CGNL1: variants seen among roughly 807,000 people sequenced by gnomAD.
The protein encoded by CGNL1 is cingulin-like protein 1.
Under a neutral mutation model 141.2 loss-of-function variants are expected in CGNL1, and 132 were observed. That is an observed-to-expected ratio of 0.93 (90% CI 0.81 to 1.08). The LOEUF is 1.08. Among genes scored for constraint, CGNL1 ranks in the 50% least tolerant of loss-of-function variants. The pLI is 0.00. For missense variants in CGNL1, 1,870 were observed against 1,588.6 expected (o/e 1.18, Z -3.01); for synonymous variants, 690 against 622.1 (o/e 1.11, Z -1.63).
chr15:57,515,983 C>T (rs2030745169), intron 8 of CGNL1, among the ~76,000 whole-genome samples: 1 of 151,584 alleles, frequency 6.6e-6, no homozygotes, highest in Non-Finnish European at 1.5e-5. Context: ...ATGGTGAAAC[C>T]CCGTCTCTAC....
intron 3 of CGNL1, 98 bp from the exon 4 acceptor site, chr15:57,442,275 C>T (rs2063199010): frequency 7.6e-6 from 4 of 524,442 alleles, no homozygotes; most frequent in African/African-American, 2.0e-5. Context: ...TGCAAATTAT[C>T]TCCTTAAAGG....
At position 57,468,234 on chromosome 15, in the gene CGNL1, C is replaced by CT. The variant is rs57360097; in HGVS notation, c.2403+6366dup. On this transcript the variant is annotated intron_variant, in intron 8 of 18. Transcript: ENST00000281282. ...TTTCTTTTTCTTTTCTTTTCTTTTT[C>CT]TTTTTTTTTTTTTTTTTTTTTTTTG... Among the ~76,000 whole-genome samples, 33 of 85,906 alleles carry CT rather than the reference C, an allele frequency of 3.8e-4. 1 individual carries two copies. The highest frequency in any genetic ancestry group is 1.3e-3 in the African/African-American group (26 of 19,842). The allele number at this position is 85,906 out of a possible 152,430, so 56.4% of individuals were successfully genotyped here.
intron 3 of CGNL1, among the ~76,000 whole-genome samples, chr15:57,441,369 AT>A (rs1302043215): frequency 1.3e-5 from 2 of 150,096 alleles, no homozygotes; most frequent in African/African-American, 2.4e-5. Context: ...AAAATTCATT[AT>A]TTTTTTTTTA....
chr15:57,476,660 T>C (rs16977525), intron 8 of CGNL1, among the ~76,000 whole-genome samples: 20,147 of 152,190 alleles, frequency 0.13, 1,862 homozygotes, highest in East Asian at 0.45. Context: ...GTTAGAATTC[T>C]GGAAATGTGG....
intron 4 of CGNL1, among the ~76,000 whole-genome samples, chr15:57,443,788 C>G (rs767613032): frequency 2.0e-5 from 3 of 152,166 alleles, no homozygotes; most frequent in Non-Finnish European, 4.4e-5. Flanking sequence ...ATTATCAACA[C>G]GATTCTTGTT....
At chr15:57,405,654 T>G (rs151223131) in intron 1 of CGNL1, among the ~76,000 whole-genome samples, 22 of 152,298 alleles carry the variant, frequency 1.4e-4, no homozygotes, top group African/African-American at 5.1e-4. Context: ...TGCCTTCTTA[T>G]GTCCTCCTCC....
chr15:57,535,076 A>T (rs1014607128), intron 14 of CGNL1, among the ~76,000 whole-genome samples: 3 of 151,918 alleles, frequency 2.0e-5, no homozygotes, highest in African/African-American at 7.3e-5. Flanking sequence ...TCAGAGTCCA[A>T]CTCTCCCCAC....
At chr15:57,540,129 C>T (rs2032486375) in intron 14 of CGNL1, among the ~76,000 whole-genome samples, 1 of 152,154 alleles carries the variant, frequency 6.6e-6, no homozygotes. Flanking sequence ...CCAACACTGC[C>T]CTTCTCTTTC....
At chr15:57,495,192 T>G (rs1236676537) in intron 8 of CGNL1, among the ~76,000 whole-genome samples, 1 of 152,206 alleles carries the variant, frequency 6.6e-6, no homozygotes, top group Non-Finnish European at 1.5e-5. Flanking sequence ...GAAATAGTTT[T>G]CACGTGTAAC....
Position 57,453,651 on chromosome 15 carries a change from G to A in CGNL1, c.2055-32G>A, listed in dbSNP as rs1284394009. 3 of 1,611,772 alleles carry A rather than the reference G, an allele frequency of 1.9e-6. No individual in the cohort carries two copies. The Admixed American group carries it at 5.0e-5, about 27-fold the overall frequency. On this transcript the variant is annotated intron_variant, in intron 6 of 18. Transcript: ENST00000281282. Reference sequence around the variant, plus strand: ...GGATGGAAATAAGCAGAGCCCAGAAGAGCCTGTCTAATGGGCTTCCTTCCC... The same window carrying A: ...GGATGGAAATAAGCAGAGCCCAGAAAAGCCTGTCTAATGGGCTTCCTTCCC...
At chr15:57,529,122 T>C in intron 13 of CGNL1, 1 of 208,724 alleles carries the variant, frequency 4.8e-6, no homozygotes, top group Non-Finnish European at 9.6e-6. Context: ...ATAGTTCCTT[T>C]TCTGTTTGTT....
At chr15:57,446,350 C>T (rs2063251322) in intron 4 of CGNL1, among the ~76,000 whole-genome samples, 1 of 152,160 alleles carries the variant, frequency 6.6e-6, no homozygotes, top group Admixed American at 6.5e-5. Flanking sequence ...TCCTGGGTTT[C>T]CTGTGTTCCT....
intron 1 of CGNL1, among the ~76,000 whole-genome samples, chr15:57,411,313 A>G (rs919348224): frequency 6.6e-6 from 1 of 152,148 alleles, no homozygotes; most frequent in East Asian, 1.9e-4. Flanking sequence ...GTTCTCTTGT[A>G]TACCAACTGT....
intron 1 of CGNL1, among the ~76,000 whole-genome samples, chr15:57,426,844 C>T (rs139275285): frequency 1.6e-4 from 24 of 152,144 alleles, no homozygotes; most frequent in African/African-American, 5.3e-4. Flanking sequence ...TTGTTTCTAC[C>T]CAGTTCATTT....
chr15:57,377,394 C>T (rs2062376528), intron 1 of CGNL1, among the ~76,000 whole-genome samples: 1 of 152,156 alleles, frequency 6.6e-6, no homozygotes, highest in Admixed American at 6.5e-5. Flanking sequence ...TCCCAGAGAT[C>T]TGGATTCGGC....
chr15:57,502,512 T>C (rs1281725000), intron 8 of CGNL1, among the ~76,000 whole-genome samples: 1 of 152,128 alleles, frequency 6.6e-6, no homozygotes, highest in African/African-American at 2.4e-5. Flanking sequence ...ACTTTATGAA[T>C]GGGTAAGATG....
rs151074099 is a variant in CGNL1, at chr15:57,488,172, A to G, written c.2403+26280A>G. Among the ~76,000 whole-genome samples, 1,191 of 152,214 alleles carry G rather than the reference A, an allele frequency of 7.8e-3. 17 individuals are homozygous for G. The highest frequency in any genetic ancestry group is 0.027 in the African/African-American group (1,112 of 41,522). On this transcript the variant is annotated intron_variant, in intron 8 of 18. Coordinates refer to ENST00000281282, the MANE Select transcript of CGNL1 (RefSeq NM_032866.5). ...AACTAATGATATCAAGTATCTTTTC[A>G]TGTGCTTATTGGCCGTTTGTATGTC... is the stretch of plus-strand genomic sequence containing the variant.
Position 57,417,358 on chromosome 15 carries a change from C to T in CGNL1, c.-15-20627C>T, listed in dbSNP as rs191668891. 5.2e-3 allele frequency among the ~76,000 whole-genome samples: 797 copies of T among 152,220 alleles called. 6 individuals carry two copies. The highest frequency in any genetic ancestry group is 0.018 in the African/African-American group (754 of 41,522). On this transcript the variant is annotated intron_variant, in intron 1 of 18. Transcript: ENST00000281282. ...AAGCAATTCTCATGCCTCAGCCTCC[C>T]GAGTAGCTGGGATTACAGGCGTGTG...
intron 12 of CGNL1, among the ~76,000 whole-genome samples, chr15:57,526,305 C>T (rs1362298118): frequency 1.3e-5 from 2 of 152,118 alleles, no homozygotes; most frequent in African/African-American, 4.8e-5. Context: ...CATCATTCTG[C>T]AGGGAAACTG....
Sources: gnomAD v4.1 joint callset for allele counts (sites outside exome capture counted in the v4.1 genomes callset) on GRCh38, gnomAD v4.1.1 for gene constraint, MANE v1.5 for transcripts, NCBI Gene and HGNC (gene_info 2026-07-23, HGNC 2026-07-21) for gene names.